The following PAK5 variants were observed in gnomAD, a reference collection of about 807,000 sequenced individuals.
The protein encoded by PAK5 is serine/threonine-protein kinase PAK 5.
Under a neutral mutation model 65.9 loss-of-function variants are expected in PAK5, and 16 were observed. That is an observed-to-expected ratio of 0.24 (90% CI 0.16 to 0.37). The LOEUF is 0.37. Among genes scored for constraint, PAK5 ranks in the 10% least tolerant of loss-of-function variants. PAK5 has a pLI of 1.00. For synonymous variants in PAK5, 371 were observed against 354.9 expected, an observed-to-expected ratio of 1.05 and a Z score of -0.51; for missense variants, 785 against 903.9, an observed-to-expected ratio of 0.87 and a Z score of 1.69.
At chr20:9,557,534 TTCTAAAA>T (rs1299388694) in intron 7 of PAK5, 67 bp downstream of exon 7, 1 of 1,269,668 alleles carries the variant, frequency 7.9e-7, no homozygotes, top group African/African-American at 1.5e-5. Context: ...AAAAAAGTGT[TTCTAAAA>T]GAGTTATGCC....
intron 2 of PAK5, among the ~76,000 whole-genome samples, chr20:9,680,442 G>A (rs934028563): frequency 1.3e-5 from 2 of 152,140 alleles, no homozygotes; most frequent in African/African-American, 4.8e-5. Flanking sequence ...TTTCCAACAG[G>A]TTACTACTGT....
chr20:9,754,180 C>A (rs1737545676), intron 1 of PAK5, among the ~76,000 whole-genome samples: 1 of 152,102 alleles, frequency 6.6e-6, no homozygotes, highest in Non-Finnish European at 1.5e-5. Flanking sequence ...TGTAACTGCC[C>A]AGTGAGTTCA....
chr20:9,555,773 AT>A (rs2045496885), intron 7 of PAK5, among the ~76,000 whole-genome samples: 1 of 152,212 alleles, frequency 6.6e-6, no homozygotes, highest in Admixed American at 6.5e-5. Flanking sequence ...TAAATATAAT[AT>A]AAGCACAGGA....
intron 2 of PAK5, among the ~76,000 whole-genome samples, chr20:9,705,654 C>T (rs1434920344): frequency 6.6e-6 from 1 of 152,058 alleles, no homozygotes; most frequent in Non-Finnish European, 1.5e-5. Context: ...GGTTGGTTAC[C>T]TATACATCTT....
At chr20:9,796,851 C>T (rs1428556921) in intron 1 of PAK5, among the ~76,000 whole-genome samples, 2 of 152,028 alleles carry the variant, frequency 1.3e-5, no homozygotes, top group Admixed American at 6.6e-5. Flanking sequence ...TAGGTAGCAC[C>T]TTTTTCTAAA....
intron 2 of PAK5, among the ~76,000 whole-genome samples, chr20:9,705,419 A>C (rs1018365049): frequency 3.9e-5 from 6 of 152,200 alleles, no homozygotes; most frequent in Non-Finnish European, 8.8e-5. Flanking sequence ...CAAGAACACC[A>C]GGCATGAGGA....
intron 1 of PAK5, among the ~76,000 whole-genome samples, chr20:9,802,140 T>A (rs1320272848): frequency 1.3e-5 from 2 of 152,158 alleles, no homozygotes; most frequent in Non-Finnish European, 2.9e-5. Context: ...CGATAGGGCA[T>A]GAACTTCCCA....
intron 1 of PAK5, among the ~76,000 whole-genome samples, chr20:9,797,561 G>T (rs1285251211): frequency 2.0e-5 from 3 of 151,082 alleles, no homozygotes; most frequent in Non-Finnish European, 4.4e-5. Context: ...CGAGTTAATG[G>T]GTGCAGCACA....
chr20:9,737,765 T>C (rs1343687797), intron 1 of PAK5, among the ~76,000 whole-genome samples: 1 of 152,120 alleles, frequency 6.6e-6, no homozygotes, highest in African/African-American at 2.4e-5. Context: ...AAATGTAAAA[T>C]GAAAACAAAA....
intron 2 of PAK5, among the ~76,000 whole-genome samples, chr20:9,705,793 A>G (rs2047999272): frequency 1.3e-5 from 2 of 152,182 alleles, no homozygotes; most frequent in Non-Finnish European, 2.9e-5. Context: ...AGAAATATCA[A>G]TCTATAAAAG....
At chr20:9,774,563 G>A (rs991914902) in intron 1 of PAK5, among the ~76,000 whole-genome samples, 18 of 152,082 alleles carry the variant, frequency 1.2e-4, no homozygotes, top group African/African-American at 4.1e-4. Context: ...ATTCATGGCA[G>A]CTTTATTCAT....
chr20:9,728,969 T>G (rs2048305894), intron 1 of PAK5, among the ~76,000 whole-genome samples: 1 of 152,152 alleles, frequency 6.6e-6, no homozygotes, highest in Admixed American at 6.6e-5. Flanking sequence ...TTTGGGTAAT[T>G]GTATTATGGT....
chr20:9,751,603 G>T (rs1042034761), intron 1 of PAK5, among the ~76,000 whole-genome samples: 19 of 152,090 alleles, frequency 1.2e-4, no homozygotes, highest in Non-Finnish European at 2.4e-4. Context: ...ACCCCTTTCT[G>T]AAAATGTTTG....
At chr20:9,730,063 A>G (rs2048320321) in intron 1 of PAK5, among the ~76,000 whole-genome samples, 1 of 151,354 alleles carries the variant, frequency 6.6e-6, no homozygotes, top group Admixed American at 6.6e-5. Flanking sequence ...AGAGAATTAG[A>G]ATTTTTCAAA....
chr20:9,568,531 T>G (rs529806840), intron 4 of PAK5, among the ~76,000 whole-genome samples: 1 of 152,326 alleles, frequency 6.6e-6, no homozygotes, highest in South Asian at 2.1e-4. Flanking sequence ...ACATTCATAT[T>G]CCTATGTAGT....
At chr20:9,832,425 A>G (rs1002384681) in intron 1 of PAK5, among the ~76,000 whole-genome samples, 1 of 152,078 alleles carries the variant, frequency 6.6e-6, no homozygotes, top group African/African-American at 2.4e-5. Flanking sequence ...GGAGTGTGCC[A>G]CCACACCCAG....
chr20:9,572,411 C>T (rs895075250), intron 4 of PAK5, among the ~76,000 whole-genome samples: 1 of 152,156 alleles, frequency 6.6e-6, no homozygotes, highest in Admixed American at 6.5e-5. Flanking sequence ...TTGTCCATTC[C>T]TACTGTTTTA....
At chr20:9,641,689 TG>T (rs2047065410) in intron 3 of PAK5, among the ~76,000 whole-genome samples, 1 of 151,678 alleles carries the variant, frequency 6.6e-6, no homozygotes, top group Non-Finnish European at 1.5e-5. Context: ...ATGGAGTGGG[TG>T]GGAGGCTCAG....
intron 7 of PAK5, among the ~76,000 whole-genome samples, chr20:9,557,082 G>C (rs2045518880): frequency 2.6e-5 from 4 of 152,092 alleles, no homozygotes; most frequent in African/African-American, 9.7e-5. Context: ...TCAGGCATGG[G>C]GTAGTAGGAG....
Sources: gnomAD v4.1 joint callset for allele counts (sites outside exome capture counted in the v4.1 genomes callset) on GRCh38, gnomAD v4.1.1 for gene constraint, MANE v1.5 for transcripts, NCBI Gene and HGNC (gene_info 2026-07-23, HGNC 2026-07-21) for gene names.